The following PKN2 variants were observed in gnomAD, a reference collection of about 807,000 sequenced individuals.
PKN2 encodes serine/threonine-protein kinase N2.
PKN2 carries 38 observed loss-of-function variants against 119.1 expected under a neutral mutation model. The observed-to-expected ratio is 0.32, with a 90% CI of 0.25 to 0.42. The LOEUF (loss-of-function observed/expected upper bound fraction) is 0.42. PKN2 is among the 10% of genes least tolerant of loss of function. PKN2 has a pLI of 1.00. For synonymous variants in PKN2, 390 were observed against 384.9 expected (o/e 1.01, Z -0.15); for missense variants, 850 against 1,165.1 (o/e 0.73, Z 3.94).
At chr1:88,693,084 A>G (rs762296489) in intron 1 of PKN2, among the ~76,000 whole-genome samples, 2 of 152,250 alleles carry the variant, frequency 1.3e-5, no homozygotes, top group Non-Finnish European at 2.9e-5. Context: ...GAAGCAAAGA[A>G]ATAGCAAAAA....
At chr1:88,705,702 AATATAT>A (rs149246965) in intron 1 of PKN2, among the ~76,000 whole-genome samples, 1 of 150,176 alleles carries the variant, frequency 6.7e-6, no homozygotes, top group African/African-American at 2.4e-5. Context: ...GGTCTGCAAA[AATATAT>A]ATATATATAT....
intron 2 of PKN2, among the ~76,000 whole-genome samples, chr1:88,745,218 C>T (rs890595731): frequency 6.6e-6 from 1 of 152,318 alleles, no homozygotes; most frequent in African/African-American, 2.4e-5. Flanking sequence ...TCAGGATGCT[C>T]ACTCTCAACA....
At chr1:88,773,665 G>A (rs1030677413) in intron 6 of PKN2, among the ~76,000 whole-genome samples, 2 of 152,156 alleles carry the variant, frequency 1.3e-5, no homozygotes, top group African/African-American at 4.8e-5. Context: ...TGTAGTCCCA[G>A]CTACTTGGGA....
intron 8 of PKN2, among the ~76,000 whole-genome samples, chr1:88,794,081 A>G (rs978871764): frequency 2.6e-5 from 4 of 152,196 alleles, no homozygotes; most frequent in African/African-American, 7.2e-5. Context: ...TAAATTCGAT[A>G]TACCTGTTGG....
intron 2 of PKN2, among the ~76,000 whole-genome samples, chr1:88,741,851 C>T (rs1668591261): frequency 6.6e-6 from 1 of 151,634 alleles, no homozygotes; most frequent in African/African-American, 2.4e-5. Context: ...GAAAATATAA[C>T]CTATGATTTC....
intron 1 of PKN2, among the ~76,000 whole-genome samples, chr1:88,714,682 T>TG (rs1418605324): frequency 2.6e-5 from 4 of 152,188 alleles, no homozygotes; most frequent in African/African-American, 9.7e-5. Flanking sequence ...GCTGAGACGA[T>TG]GGGGTTTTCT....
chr1:88,800,076 G>A (rs902844613), intron 8 of PKN2, among the ~76,000 whole-genome samples: 10 of 152,134 alleles, frequency 6.6e-5, no homozygotes, highest in African/African-American at 2.2e-4. Flanking sequence ...TTTTGGCGGT[G>A]GAGCCTGGTT....
chr1:88,706,904 C>A (rs1667026318), intron 1 of PKN2, among the ~76,000 whole-genome samples: 3 of 151,994 alleles, frequency 2.0e-5, no homozygotes, highest in Non-Finnish European at 4.4e-5. Flanking sequence ...CTAATTCATT[C>A]CATTTTGGTC....
intron 12 of PKN2, among the ~76,000 whole-genome samples, 156 bp from the exon 13 acceptor site, chr1:88,807,157 G>GA (rs201281576): frequency 2.6e-5 from 4 of 151,446 alleles, no homozygotes; most frequent in African/African-American, 7.3e-5. Context: ...TCTAAAAAAA[G>GA]AAAAAAAAAT....
chr1:88,759,884 G>A (rs1328834228), intron 2 of PKN2, among the ~76,000 whole-genome samples: 10 of 152,092 alleles, frequency 6.6e-5, no homozygotes, highest in Admixed American at 6.6e-4. Flanking sequence ...AACCAAAAAA[G>A]CCCAGAACCA....
In PKN2 at chr1:88,828,593, C is replaced by T. The variant is rs770744538; in HGVS notation, c.2532C>T (p.Gly844=). 7 of 1,612,328 alleles carry T rather than the reference C, an allele frequency of 4.3e-6. No homozygotes were observed. The highest frequency in any genetic ancestry group is 2.2e-5 in the East Asian group (1 of 44,860). Residue 844 remains glycine, a synonymous_variant, in exon 19 of 22, where the codon GGC becomes GGT. Coordinates refer to ENST00000370521, the MANE Select transcript of PKN2 (RefSeq NM_006256.4). ...GGGCTGTAGATTGGTGGGGCCTTGGCGTGCTTATATATGAAATGCTTGTTG... is the reference window on the plus strand; with the variant it reads ...GGGCTGTAGATTGGTGGGGCCTTGGTGTGCTTATATATGAAATGCTTGTTG... ...YTRAVDWWGL[G]VLIYEMLVGE... is the part of the protein sequence containing the mutation.
At position 88,741,050 on chromosome 1, in the gene PKN2, A is replaced by G. The variant is rs377515876; in HGVS notation, c.111A>G (p.Ser37=). Residue 37 remains serine (S), a synonymous_variant, in exon 2 of 22, where the codon TCA becomes TCG. Transcript: ENST00000370521. ...NVSAVQKLDF[S]DTMVQQKLDD... ...GTGCTGTTCAAAAATTAGACTTTTC[A>G]GATACAATGGTGCAGCAGAAATTGG... 4 of 1,599,164 alleles carry G rather than the reference A, an allele frequency of 2.5e-6. No individual in the cohort carries two copies. The highest frequency in any genetic ancestry group is 2.3e-5 in the South Asian group (2 of 87,418).
chr1:88,776,272 C>G (rs1330329622), intron 6 of PKN2, among the ~76,000 whole-genome samples: 1 of 139,724 alleles, frequency 7.2e-6, no homozygotes, highest in Admixed American at 7.2e-5. Context: ...GTCACTTCTC[C>G]CATCCTTCAT....
chr1:88,688,209 C>G (rs1666183870), intron 1 of PKN2, among the ~76,000 whole-genome samples: 1 of 152,268 alleles, frequency 6.6e-6, no homozygotes, highest in East Asian at 1.9e-4. Context: ...CCTCAGCCTC[C>G]CAAGTAGCTG....
At chr1:88,745,406 G>A (rs1485714015) in intron 2 of PKN2, among the ~76,000 whole-genome samples, 1 of 152,058 alleles carries the variant, frequency 6.6e-6, no homozygotes, top group African/African-American at 2.4e-5. Context: ...ACTAATAAAG[G>A]AATTCAGTCA....
At chr1:88,815,822 T>G (rs1239870508) in intron 16 of PKN2, among the ~76,000 whole-genome samples, 1 of 152,200 alleles carries the variant, frequency 6.6e-6, no homozygotes, top group Non-Finnish European at 1.5e-5. Context: ...GTATACGCAA[T>G]TAATCAAGGC....
At chr1:88,832,919 C>G in intron 20 of PKN2, 68 bp downstream of exon 20, 1 of 1,205,544 alleles carries the variant, frequency 8.3e-7, no homozygotes, top group African/African-American at 1.5e-5. Flanking sequence ...AAGAAAATTT[C>G]CCAGTAGAAC....
intron 6 of PKN2, among the ~76,000 whole-genome samples, chr1:88,774,618 C>T (rs1015483341): frequency 2.6e-5 from 4 of 151,236 alleles, no homozygotes; most frequent in African/African-American, 9.7e-5. Flanking sequence ...TGTCATTTTG[C>T]GGGTTTTTTT....
chr1:88,814,494 G>A (rs948806145), intron 16 of PKN2, among the ~76,000 whole-genome samples: 3 of 152,046 alleles, frequency 2.0e-5, no homozygotes, highest in Admixed American at 1.3e-4. Flanking sequence ...TTCCAGCCCC[G>A]TCCTCTTACC....
Sources: allele counts gnomAD v4.1 joint callset (sites outside exome capture counted in the v4.1 genomes callset), GRCh38; gene constraint gnomAD v4.1.1; transcripts MANE v1.5; gene names NCBI Gene and HGNC (gene_info 2026-07-23, HGNC 2026-07-21).